Variants in CNTN3 observed in about 807,000 individuals in gnomAD.
CNTN3 encodes contactin-3.
Under a neutral mutation model 119.1 loss-of-function variants are expected in CNTN3, and 60 were observed. The observed-to-expected ratio is 0.50, with a 90% confidence interval of 0.41 to 0.62. CNTN3 has a LOEUF of 0.62. CNTN3 is among the 20% of genes least tolerant of loss of function. The probability of loss-of-function intolerance (pLI) is 0.00; values close to 1 mark genes in which losing one functional copy is unlikely to be tolerated. For missense variants in CNTN3, 1,101 were observed against 1,242.4 expected (o/e 0.89, Z 1.71); for synonymous variants, 450 against 438.7 (o/e 1.03, Z -0.32).
rs1029705942 is a variant in CNTN3 at position 74,305,746 on chromosome 3, C to T, written c.1669-2939G>A. On this transcript the variant is annotated intron_variant, in intron 13 of 22. Coordinates refer to ENST00000263665, the MANE Select transcript of CNTN3 (RefSeq NM_020872.3). ...AAGCACCATGAGGACATCTAGGATGCGGGTCATCTTCTGTTTCTGTTTTCA... is the reference window on the plus strand; with the variant it reads ...AAGCACCATGAGGACATCTAGGATGTGGGTCATCTTCTGTTTCTGTTTTCA... Among the ~76,000 whole-genome samples, 5 of 150,378 alleles carry T rather than the reference C, an allele frequency of 3.3e-5. No individual in the cohort carries two copies. In the East Asian group the frequency reaches 5.8e-4, roughly 18 times the overall value.
intron 16 of CNTN3, 37 bp from the exon 17 acceptor site, chr3:74,299,975 T>C: frequency 7.7e-7 from 1 of 1,291,390 alleles, no homozygotes; most frequent in Non-Finnish European, 1.1e-6. Context: ...AAATGGTACT[T>C]GCATTTAGTA....
At chr3:74,575,816 G>A (rs183639227) in intron 1 of CNTN3, among the ~76,000 whole-genome samples, 1 of 151,856 alleles carries the variant, frequency 6.6e-6, no homozygotes, top group Non-Finnish European at 1.5e-5. Flanking sequence ...GATTTACTAT[G>A]AAGATACTAA....
intron 13 of CNTN3, 113 bp downstream of exon 13, chr3:74,334,622 C>A: frequency 1.0e-6 from 1 of 956,628 alleles, no homozygotes; most frequent in South Asian, 1.9e-5. Flanking sequence ...CAACCAAAAC[C>A]ACTTATTTAG....
At chr3:74,320,483 AC>A (rs1282831758) in intron 13 of CNTN3, among the ~76,000 whole-genome samples, 1 of 152,138 alleles carries the variant, frequency 6.6e-6, no homozygotes, top group Admixed American at 6.5e-5. Flanking sequence ...ACACATGGAC[AC>A]AGGAAGGGGA....
At chr3:74,359,738 A>G (rs1256754534) in intron 11 of CNTN3, among the ~76,000 whole-genome samples, 3 of 152,174 alleles carry the variant, frequency 2.0e-5, no homozygotes, top group Non-Finnish European at 4.4e-5. Flanking sequence ...TCTACCTACT[A>G]TATTTGCTAC....
At chr3:74,611,436 C>A (rs566182467) in intron 1 of CNTN3, among the ~76,000 whole-genome samples, 1 of 152,138 alleles carries the variant, frequency 6.6e-6, no homozygotes, top group Non-Finnish European at 1.5e-5. Flanking sequence ...GTGCATTTCT[C>A]CTGCAGCAAT....
intron 20 of CNTN3, among the ~76,000 whole-genome samples, chr3:74,272,471 C>A: frequency 6.6e-6 from 1 of 152,226 alleles, no homozygotes; most frequent in African/African-American, 2.4e-5. Context: ...TGTTATGTTT[C>A]TTCAGAGCTT....
chr3:74,350,148 T>C (rs557863074), intron 11 of CNTN3, among the ~76,000 whole-genome samples: 1 of 152,344 alleles, frequency 6.6e-6, no homozygotes, highest in African/African-American at 2.4e-5. Flanking sequence ...GGGTGGAATT[T>C]ACTTAAGAAG....
chr3:74,555,963 C>T (rs1575827173), intron 1 of CNTN3, among the ~76,000 whole-genome samples: 1 of 152,170 alleles, frequency 6.6e-6, no homozygotes, highest in East Asian at 1.9e-4. Flanking sequence ...AATACGGTGT[C>T]TATTTGGGTC....
At chr3:74,341,369 T>C (rs1703541541) in intron 11 of CNTN3, among the ~76,000 whole-genome samples, 1 of 152,184 alleles carries the variant, frequency 6.6e-6, no homozygotes, top group Non-Finnish European at 1.5e-5. Flanking sequence ...CAGGTTTATC[T>C]GCAAATGCGT....
At chr3:74,469,656 T>A (rs1444890667) in intron 4 of CNTN3, among the ~76,000 whole-genome samples, 2 of 152,158 alleles carry the variant, frequency 1.3e-5, no homozygotes, top group Non-Finnish European at 2.9e-5. Context: ...ACGATACCCC[T>A]TCGTACCCAC....
At chr3:74,408,555 C>T (rs963257022) in intron 5 of CNTN3, among the ~76,000 whole-genome samples, 3 of 152,114 alleles carry the variant, frequency 2.0e-5, no homozygotes, top group Non-Finnish European at 2.9e-5. Flanking sequence ...TTTTTGGATC[C>T]TTGTCAATGC....
chr3:74,393,752 C>G (rs1704974692), intron 5 of CNTN3, among the ~76,000 whole-genome samples: 1 of 152,166 alleles, frequency 6.6e-6, no homozygotes, highest in African/African-American at 2.4e-5. Flanking sequence ...TCTGTGATTC[C>G]AAATCCACCA....
intron 13 of CNTN3, among the ~76,000 whole-genome samples, chr3:74,306,470 A>T (rs1559693860): frequency 6.6e-6 from 1 of 152,110 alleles, no homozygotes; most frequent in Non-Finnish European, 1.5e-5. Flanking sequence ...CTTTGTTTGC[A>T]TTATTTTCCT....
At chr3:74,300,007 C>T in intron 16 of CNTN3, 69 bp from the exon 17 acceptor site, 1 of 995,468 alleles carries the variant, frequency 1.0e-6, no homozygotes, top group Non-Finnish European at 1.4e-6. Context: ...AAAGATAATG[C>T]AATGTTTTTT....
chr3:74,369,840 A>T, intron 7 of CNTN3, 49 bp downstream of exon 7: 1 of 976,492 alleles, frequency 1.0e-6, no homozygotes, highest in Non-Finnish European at 1.6e-6. Context: ...CTGATTTCTT[A>T]TAGCAACCTA....
chr3:74,304,672 T>C (rs888854438), intron 13 of CNTN3, among the ~76,000 whole-genome samples: 4 of 152,218 alleles, frequency 2.6e-5, no homozygotes, highest in African/African-American at 9.6e-5. Context: ...TTCTGTTCAC[T>C]CTTGGCACTG....
chr3:74,599,868 G>C (rs906739098), intron 1 of CNTN3, among the ~76,000 whole-genome samples: 1 of 152,008 alleles, frequency 6.6e-6, no homozygotes, highest in African/African-American at 2.4e-5. Flanking sequence ...TGGATAGATA[G>C]GTCTAGATCT....
At chr3:74,286,099 T>C (rs6809487) in intron 19 of CNTN3, among the ~76,000 whole-genome samples, 5,720 of 151,878 alleles carry the variant, frequency 0.038, 360 homozygotes, top group African/African-American at 0.13. Context: ...ACAACTACAG[T>C]ACAGGGATGG....
Sources: allele counts gnomAD v4.1 joint callset (sites outside exome capture counted in the v4.1 genomes callset), GRCh38; gene constraint gnomAD v4.1.1; transcripts MANE v1.5; gene names NCBI Gene and HGNC (gene_info 2026-07-23, HGNC 2026-07-21).